The following XKR4 variants were observed in gnomAD, a reference collection of about 807,000 sequenced individuals.
XKR4 encodes XK-related protein 4.
Under a neutral mutation model 53.9 loss-of-function variants are expected in XKR4, and 12 were observed. That is an observed-to-expected ratio of 0.22 (90% confidence interval 0.14 to 0.36). XKR4 has a LOEUF of 0.36. Ranked by LOEUF, XKR4 falls within the 10% of genes least tolerant of loss-of-function variation. The pLI is 1.00. For missense variants in XKR4, 799 were observed against 859.5 expected (o/e 0.93, Z 0.88); for synonymous variants, 354 against 362.4 (o/e 0.98, Z 0.26).
chr8:55,158,316 C>G (rs772765430), intron 1 of XKR4, among the ~76,000 whole-genome samples: 1 of 152,176 alleles, frequency 6.6e-6, no homozygotes, highest in Non-Finnish European at 1.5e-5. Flanking sequence ...TGAAAAGTGT[C>G]TGTTCATGCC....
In XKR4 at chr8:55,209,301, C is replaced by A. The variant is rs965320135; in HGVS notation, c.806+106007C>A. ...GAGCTCAGTGCTTTACACATGGGCT[C>A]CCACACTTGCTGTCCTCGTTCCCAT... On this transcript the variant is annotated intron_variant, in intron 1 of 2. Transcript: ENST00000327381. Among the ~76,000 whole-genome samples, 8 of 152,178 alleles carry A rather than the reference C, an allele frequency of 5.3e-5. No homozygotes were observed. The East Asian group carries it at 1.5e-3, about 29-fold the overall frequency.
chr8:55,224,535 G>A lies in XKR4; in HGVS notation c.806+121241G>A, dbSNP rs1253852533. Among the ~76,000 whole-genome samples the A allele has an allele frequency of 2.6e-5, 4 of 152,216 alleles. No homozygotes were observed. In the East Asian group the frequency reaches 7.7e-4, roughly 29 times the overall value. On this transcript the variant is annotated intron_variant, in intron 1 of 2. Transcript: ENST00000327381. Reference sequence around the variant, plus strand: ...TCTTGACTCTCCACAATTGACTGAAGCTATAAACTCCTTTAAAAATAGAAC... The same window carrying A: ...TCTTGACTCTCCACAATTGACTGAAACTATAAACTCCTTTAAAAATAGAAC...
intron 1 of XKR4, among the ~76,000 whole-genome samples, chr8:55,130,002 A>G (rs1816532337): frequency 6.6e-6 from 1 of 151,990 alleles, no homozygotes; most frequent in South Asian, 2.1e-4. Flanking sequence ...CTATCCGCGG[A>G]GGTGTGGGGT....
chr8:55,387,127 G>A (rs77090570), intron 2 of XKR4, among the ~76,000 whole-genome samples: 4,051 of 152,288 alleles, frequency 0.027, 82 homozygotes, highest in Non-Finnish European at 0.042. Flanking sequence ...CTAATTACCA[G>A]CTGATTGCTG....
chr8:55,435,630 C>T (rs1441213154), intron 2 of XKR4, among the ~76,000 whole-genome samples: 1 of 150,620 alleles, frequency 6.6e-6, no homozygotes, highest in Non-Finnish European at 1.5e-5. Context: ...AGTGCAGTGG[C>T]ATGAACACAG....
intron 1 of XKR4, among the ~76,000 whole-genome samples, chr8:55,163,383 A>C (rs1292737478): frequency 6.6e-6 from 1 of 152,232 alleles, no homozygotes; most frequent in Non-Finnish European, 1.5e-5. Context: ...AGAAGCAAGT[A>C]AATGGCAAAA....
chr8:55,272,415 G>A (rs1818704920), intron 1 of XKR4, among the ~76,000 whole-genome samples: 1 of 152,170 alleles, frequency 6.6e-6, no homozygotes, highest in African/African-American at 2.4e-5. Flanking sequence ...AACAGCCATG[G>A]CAAAAGAAAG....
intron 2 of XKR4, among the ~76,000 whole-genome samples, chr8:55,407,046 G>T (rs1260141343): frequency 6.6e-6 from 1 of 152,204 alleles, no homozygotes; most frequent in Non-Finnish European, 1.5e-5. Flanking sequence ...ACATGGCCAA[G>T]GACAGCGATC....
rs534676767 is a variant in XKR4 at position 55,303,918 on chromosome 8, A to G, written c.807-53760A>G. ...TCTTTCTTAGTCTTGCTAGTGGTCT[A>G]TCAATTTTGTTGATCTTTTCAAAAA... is the stretch of plus-strand genomic sequence containing the variant. On this transcript the variant is annotated intron_variant, in intron 1 of 2. Coordinates refer to ENST00000327381, the MANE Select transcript of XKR4 (RefSeq NM_052898.2). Among the ~76,000 whole-genome samples the G allele has an allele frequency of 4.8e-3, 723 of 152,134 alleles. 6 individuals are homozygous for G. The highest frequency in any genetic ancestry group is 0.016 in the African/African-American group (657 of 41,506).
At chr8:55,177,063 G>A (rs530924281) in intron 1 of XKR4, among the ~76,000 whole-genome samples, 2 of 150,352 alleles carry the variant, frequency 1.3e-5, no homozygotes, top group Middle Eastern at 3.4e-3. Context: ...TCCAGACAGA[G>A]TCTTGCTCTG....
At chr8:55,165,616 C>G (rs1817054694) in intron 1 of XKR4, among the ~76,000 whole-genome samples, 1 of 151,838 alleles carries the variant, frequency 6.6e-6, no homozygotes, top group Non-Finnish European at 1.5e-5. Context: ...TTAAAATCTT[C>G]ATCTCTTCAT....
intron 1 of XKR4, among the ~76,000 whole-genome samples, chr8:55,106,250 G>A (rs1816145115): frequency 6.6e-6 from 1 of 152,104 alleles, no homozygotes; most frequent in Non-Finnish European, 1.5e-5. Context: ...GCATTTGCTT[G>A]TTTAGAAATA....
At chr8:55,296,164 G>T (rs1027521017) in intron 1 of XKR4, among the ~76,000 whole-genome samples, 1 of 152,148 alleles carries the variant, frequency 6.6e-6, no homozygotes, top group Non-Finnish European at 1.5e-5. Flanking sequence ...TGACTGCTCT[G>T]TCCAACAGCA....
chr8:55,224,580 G>A (rs1215281182), intron 1 of XKR4, among the ~76,000 whole-genome samples: 1 of 152,056 alleles, frequency 6.6e-6, no homozygotes, highest in Non-Finnish European at 1.5e-5. Context: ...TGTGCTGTAT[G>A]GAACTTTAAT....
chr8:55,330,553 T>G (rs1280976559), intron 1 of XKR4, among the ~76,000 whole-genome samples: 1 of 152,154 alleles, frequency 6.6e-6, no homozygotes, highest in South Asian at 2.1e-4. Context: ...TACCTTTAAA[T>G]CCTCTTAATG....
intron 2 of XKR4, among the ~76,000 whole-genome samples, chr8:55,465,964 G>A (rs1805760489): frequency 2.0e-5 from 3 of 152,112 alleles, no homozygotes; most frequent in East Asian, 1.9e-4. Context: ...TTAGAATGGT[G>A]ATCATTAAAA....
chr8:55,122,309 T>A (rs887953573), intron 1 of XKR4, among the ~76,000 whole-genome samples: 2 of 152,252 alleles, frequency 1.3e-5, no homozygotes, highest in African/African-American at 4.8e-5. Flanking sequence ...AAAATTTGTT[T>A]CATCTGTGTT....
intron 2 of XKR4, among the ~76,000 whole-genome samples, chr8:55,372,721 A>G (rs541945393): frequency 6.6e-6 from 1 of 152,304 alleles, no homozygotes; most frequent in East Asian, 1.9e-4. Context: ...TATTCAGCAG[A>G]TTGCTATTAG....
At chr8:55,197,088 G>A (rs1817515988) in intron 1 of XKR4, among the ~76,000 whole-genome samples, 1 of 152,168 alleles carries the variant, frequency 6.6e-6, no homozygotes, top group African/African-American at 2.4e-5. Flanking sequence ...TGGATGTCAG[G>A]AGGGAGAATT....
Sources: gnomAD v4.1 joint callset for allele counts (sites outside exome capture counted in the v4.1 genomes callset) on GRCh38, gnomAD v4.1.1 for gene constraint, MANE v1.5 for transcripts, NCBI Gene and HGNC (gene_info 2026-07-23, HGNC 2026-07-21) for gene names.